Variants in PCSK2 observed in about 807,000 individuals in gnomAD.
PCSK2 encodes the protein proprotein convertase subtilisin/kexin type 2.
A neutral mutation model predicts 69.7 loss-of-function variants in PCSK2; 14 were observed. That is an observed-to-expected ratio of 0.20 (90% CI 0.13 to 0.31). PCSK2 has a LOEUF of 0.31. Among genes scored for constraint, PCSK2 ranks in the 10% least tolerant of loss-of-function variants. The probability of loss-of-function intolerance (pLI) is 1.00; values close to 1 mark genes in which losing one functional copy is unlikely to be tolerated. For synonymous variants in PCSK2, 307 were observed against 320.7 expected (o/e 0.96, Z 0.46); for missense variants, 544 against 842.5 (o/e 0.65, Z 4.39).
intron 2 of PCSK2, among the ~76,000 whole-genome samples, chr20:17,343,567 C>T (rs746861335): frequency 2.0e-5 from 3 of 152,158 alleles, no homozygotes; most frequent in Non-Finnish European, 4.4e-5. Context: ...CATTCTAAGC[C>T]CTAGAACTTG....
intron 2 of PCSK2, among the ~76,000 whole-genome samples, chr20:17,295,959 C>T (rs886698461): frequency 7.9e-5 from 12 of 152,290 alleles, no homozygotes; most frequent in African/African-American, 2.6e-4. Flanking sequence ...CACAAATGTG[C>T]TTGTGTGAGG....
intron 1 of PCSK2, among the ~76,000 whole-genome samples, chr20:17,235,097 C>T (rs1021846222): frequency 1.1e-4 from 17 of 152,112 alleles, no homozygotes; most frequent in East Asian, 1.9e-4. Context: ...GGTTTATATG[C>T]GAGACACATA....
At chr20:17,478,225 C>A (rs1430584467) in intron 11 of PCSK2, among the ~76,000 whole-genome samples, 6 of 152,128 alleles carry the variant, frequency 3.9e-5, no homozygotes, top group African/African-American at 1.4e-4. Context: ...TGTAAAACAA[C>A]TGTTTTTTTT....
At chr20:17,255,544 T>C (rs946523212) in intron 1 of PCSK2, among the ~76,000 whole-genome samples, 5 of 152,186 alleles carry the variant, frequency 3.3e-5, no homozygotes, top group Admixed American at 2.0e-4. Context: ...GGTTTCACTA[T>C]GTTAGCCAGG....
At chr20:17,467,975 T>C (rs1033033573) in intron 11 of PCSK2, among the ~76,000 whole-genome samples, 6 of 152,242 alleles carry the variant, frequency 3.9e-5, no homozygotes, top group Non-Finnish European at 5.9e-5. Flanking sequence ...GCCTAAAATA[T>C]CCTCCAATGG....
At position 17,473,788 on chromosome 20, in the gene PCSK2, C is replaced by G. The variant is rs562947835; in HGVS notation, c.1431-7796C>G. Among the ~76,000 whole-genome samples the G allele has an allele frequency of 2.6e-5, 4 of 152,130 alleles. No homozygotes were observed. The East Asian group carries it at 7.7e-4, about 29-fold the overall frequency. ...AATGGTGTTCTTTCTCTACCAAGTT[C>G]GCTGCCTCTGGAATTCACAGCATGC... On this transcript the variant is annotated intron_variant, in intron 11 of 11. Coordinates refer to ENST00000262545, the MANE Select transcript of PCSK2 (RefSeq NM_002594.5).
At chr20:17,267,338 T>C (rs545928124) in intron 2 of PCSK2, among the ~76,000 whole-genome samples, 2 of 152,248 alleles carry the variant, frequency 1.3e-5, no homozygotes, top group East Asian at 1.9e-4. Flanking sequence ...TGATGCAAGT[T>C]GAGAGTTACT....
intron 1 of PCSK2, among the ~76,000 whole-genome samples, chr20:17,250,304 A>T (rs1266971596): frequency 6.6e-6 from 1 of 152,214 alleles, no homozygotes; most frequent in Non-Finnish European, 1.5e-5. Flanking sequence ...GTTTATGAAC[A>T]TGATGACTTT....
chr20:17,451,583 G>T (rs1264610282), intron 8 of PCSK2, among the ~76,000 whole-genome samples: 1 of 152,138 alleles, frequency 6.6e-6, no homozygotes, highest in Admixed American at 6.6e-5. Context: ...AACTGATACA[G>T]AATCACTTTC....
intron 11 of PCSK2, among the ~76,000 whole-genome samples, chr20:17,480,184 C>CTTTTTTTTTTTTTTTTTTTTTTTT (rs1164266992): frequency 1.3e-5 from 1 of 76,982 alleles, no homozygotes; most frequent in Non-Finnish European, 2.4e-5. Flanking sequence ...TTCAGCTTTT[C>CTTTTTTTTTTTTTTTTTTTTTTTT]TTTTTTTTTT....
At chr20:17,313,716 A>G (rs1989588496) in intron 2 of PCSK2, among the ~76,000 whole-genome samples, 1 of 152,132 alleles carries the variant, frequency 6.6e-6, no homozygotes, top group Non-Finnish European at 1.5e-5. Flanking sequence ...ATAGGCTATA[A>G]TTTACAAGGT....
At chr20:17,406,226 A>T (rs2031746756) in intron 5 of PCSK2, among the ~76,000 whole-genome samples, 1 of 152,228 alleles carries the variant, frequency 6.6e-6, no homozygotes, top group Non-Finnish European at 1.5e-5. Flanking sequence ...CAGCATTGTA[A>T]TTCAAATCAA....
chr20:17,255,722 T>C (rs1467638302), intron 1 of PCSK2, among the ~76,000 whole-genome samples: 1 of 152,196 alleles, frequency 6.6e-6, no homozygotes, highest in Non-Finnish European at 1.5e-5. Context: ...GGGATGTTCA[T>C]GTGGTTTTTG....
rs749427019 is a variant in PCSK2 at position 17,482,180 on chromosome 20, G to A, written c.*110G>A. 6.4e-5 allele frequency: 63 copies of A among 983,972 alleles called. No homozygotes were observed. Among genetic ancestry groups the A allele is most frequent in the Non-Finnish European group, 8.3e-5 (57 of 689,882 alleles). 61.0% of individuals were successfully genotyped at this position (983,972 alleles called of 1,614,324 possible). ...TTCCATCACCCGTACAGGCAATTCC[G>A]TCTTCTTAATCTGAAGCTTCACTCA... On this transcript the variant is annotated 3_prime_UTR_variant, in exon 12 of 12. Coordinates refer to ENST00000262545, the MANE Select transcript of PCSK2 (RefSeq NM_002594.5).
At chr20:17,364,102 C>G (rs112654681) in intron 4 of PCSK2, among the ~76,000 whole-genome samples, 1 of 151,274 alleles carries the variant, frequency 6.6e-6, no homozygotes, top group Admixed American at 6.6e-5. Context: ...TTAACCTGCA[C>G]GTTGTGCACA....
intron 10 of PCSK2, among the ~76,000 whole-genome samples, chr20:17,459,490 C>T (rs545159560): frequency 2.6e-4 from 40 of 152,216 alleles, no homozygotes; most frequent in Middle Eastern, 3.4e-3. Flanking sequence ...TAGTAGATAT[C>T]GTCAAATAGT....
chr20:17,432,612 A>G (rs1013366796), intron 7 of PCSK2, among the ~76,000 whole-genome samples: 31 of 152,298 alleles, frequency 2.0e-4, no homozygotes, highest in African/African-American at 7.5e-4. Context: ...CTTCAATCAA[A>G]AAGATTGAGT....
intron 1 of PCSK2, among the ~76,000 whole-genome samples, chr20:17,234,158 C>T: frequency 6.6e-6 from 1 of 152,218 alleles, no homozygotes; most frequent in East Asian, 1.9e-4. Context: ...ACCTCGAAGG[C>T]AAACCGAGCC....
intron 2 of PCSK2, among the ~76,000 whole-genome samples, chr20:17,269,474 A>G (rs1019594834): frequency 9.2e-5 from 14 of 152,146 alleles, no homozygotes; most frequent in African/African-American, 3.1e-4. Context: ...GGCCATCCCT[A>G]TAATTATTTC....
Sources: allele counts gnomAD v4.1 joint callset (sites outside exome capture counted in the v4.1 genomes callset), GRCh38; gene constraint gnomAD v4.1.1; transcripts MANE v1.5; gene names NCBI Gene and HGNC (gene_info 2026-07-23, HGNC 2026-07-21).